Variants in KLF12 observed in about 807,000 individuals in gnomAD.
KLF12 encodes KLF transcription factor 12, also known as Krueppel-like factor 12.
A neutral mutation model predicts 37.8 loss-of-function variants in KLF12; 9 were observed. The ratio of observed to expected loss-of-function variants is 0.24; its 90% CI spans 0.14 to 0.42. The LOEUF is 0.42. Among genes scored for constraint, KLF12 ranks in the 10% least tolerant of loss-of-function variants. KLF12 has a pLI of 1.00. For synonymous variants in KLF12, 208 were observed against 202.1 expected (o/e 1.03, Z -0.25); for missense variants, 411 against 516.0 (o/e 0.80, Z 1.97).
chr13:74,269,578 A>G, the KLF12 span, among the ~76,000 whole-genome samples: 1 of 152,210 alleles, frequency 6.6e-6, no homozygotes, highest in Non-Finnish European at 1.5e-5. Context: ...ATTATACACG[A>G]TGATATCATT....
chr13:73,887,554 A>T (rs1887290366), intron 3 of KLF12, among the ~76,000 whole-genome samples: 1 of 152,222 alleles, frequency 6.6e-6, no homozygotes, highest in South Asian at 2.1e-4. Context: ...GGCCCTCACC[A>T]GAAGCTGAGC....
chr13:73,799,425 A>AAT (rs556118967), intron 5 of KLF12, among the ~76,000 whole-genome samples: 3 of 151,942 alleles, frequency 2.0e-5, no homozygotes, highest in South Asian at 2.1e-4. Flanking sequence ...GAAATGAAAA[A>AAT]ATATATATAT....
intron 1 of KLF12, among the ~76,000 whole-genome samples, chr13:74,091,900 A>G (rs1441418949): frequency 6.6e-6 from 1 of 152,100 alleles, no homozygotes; most frequent in Admixed American, 6.5e-5. Flanking sequence ...GAAGGAGGTT[A>G]TGCATGTGTG....
At chr13:73,810,982 C>CTTTCTTTTTTTCTTTTT (rs1555308731) in intron 5 of KLF12, among the ~76,000 whole-genome samples, 1 of 44,818 alleles carries the variant, frequency 2.2e-5, no homozygotes, top group African/African-American at 8.4e-5. Context: ...ATTTTTCTTT[C>CTTTCTTTTTTTCTTTTT]TTTTTTTTTT....
rs537071671 is a variant in KLF12 at position 74,132,886 on chromosome 13, C to G, written c.-32+853G>C. ...CTACCCAACAAAAGCAGGACTGATT[C>G]TCCCCGTAGGGGAGCATCTAACGTG... On this transcript the variant is annotated intron_variant, in intron 1 of 7. Transcript: ENST00000377669. Among the ~76,000 whole-genome samples, 4 of 152,334 alleles carry G rather than the reference C, an allele frequency of 2.6e-5. No individual in the cohort carries two copies. In the East Asian group the frequency reaches 7.7e-4, roughly 29 times the overall value.
At chr13:74,018,109 A>G (rs1892747545) in intron 1 of KLF12, among the ~76,000 whole-genome samples, 1 of 152,064 alleles carries the variant, frequency 6.6e-6, no homozygotes, top group Non-Finnish European at 1.5e-5. Flanking sequence ...ACTTAAAAAA[A>G]TATACACACG....
the KLF12 span, among the ~76,000 whole-genome samples, chr13:74,160,221 C>T: frequency 1.3e-5 from 2 of 152,036 alleles, no homozygotes; most frequent in Admixed American, 1.3e-4. Context: ...CTTTAGTGTA[C>T]GACTGTGGTG....
chr13:73,895,165 T>C (rs990050716), intron 3 of KLF12, among the ~76,000 whole-genome samples: 2 of 152,228 alleles, frequency 1.3e-5, no homozygotes, highest in South Asian at 4.1e-4. Flanking sequence ...AATAAGTTGC[T>C]TTTTTGCTGC....
At chr13:74,291,950 A>G in the KLF12 span, among the ~76,000 whole-genome samples, 2 of 152,206 alleles carry the variant, frequency 1.3e-5, no homozygotes, top group Non-Finnish European at 2.9e-5. Context: ...TAGATGTTGT[A>G]AAATTTGATT....
chr13:73,742,782 G>A (rs933116411), intron 6 of KLF12, among the ~76,000 whole-genome samples: 10 of 152,116 alleles, frequency 6.6e-5, no homozygotes, highest in East Asian at 1.9e-4. Flanking sequence ...TACATCAACC[G>A]CACAGTGCTG....
chr13:74,221,987 C>T, the KLF12 span, among the ~76,000 whole-genome samples: 1 of 152,166 alleles, frequency 6.6e-6, no homozygotes, highest in Non-Finnish European at 1.5e-5. Flanking sequence ...GGCTGGTTTC[C>T]TTCCCTTTAC....
At position 74,000,450 on chromosome 13, in the gene KLF12, C is replaced by T. The variant is rs146139648; in HGVS notation, c.-31-5397G>A. ...ATAATAACCCATATTCAATAAAGATCCCCTTGGAATTCTGTTCGTTGCATA... is the reference window on the plus strand; with the variant it reads ...ATAATAACCCATATTCAATAAAGATTCCCTTGGAATTCTGTTCGTTGCATA... On this transcript the variant is annotated intron_variant, in intron 1 of 7. Coordinates refer to ENST00000377669, the MANE Select transcript of KLF12 (RefSeq NM_007249.5). Among the ~76,000 whole-genome samples the T allele has an allele frequency of 1.5e-3, 221 of 152,238 alleles. 2 individuals carry two copies. The highest frequency in any genetic ancestry group is 5.1e-3 in the African/African-American group (210 of 41,542).
At chr13:74,181,074 C>A in the KLF12 span, among the ~76,000 whole-genome samples, 1 of 152,046 alleles carries the variant, frequency 6.6e-6, no homozygotes, top group African/African-American at 2.4e-5. Context: ...TCTTGGCTCA[C>A]TGCAACCTCC....
At chr13:73,877,409 T>C (rs998128788) in intron 3 of KLF12, among the ~76,000 whole-genome samples, 5 of 152,232 alleles carry the variant, frequency 3.3e-5, no homozygotes, top group African/African-American at 9.6e-5. Context: ...GTTGGAATCT[T>C]TTAGCTGAAT....
chr13:73,927,787 A>C (rs1156369198), intron 3 of KLF12, among the ~76,000 whole-genome samples: 5 of 142,172 alleles, frequency 3.5e-5, no homozygotes, highest in South Asian at 2.2e-4. Context: ...ACAGGGTTTC[A>C]CCGTTTTAGC....
At chr13:73,888,406 G>GAC (rs1887339198) in intron 3 of KLF12, among the ~76,000 whole-genome samples, 1 of 152,202 alleles carries the variant, frequency 6.6e-6, no homozygotes, top group African/African-American at 2.4e-5. Context: ...CATTAAGACT[G>GAC]TGTTTTGATT....
At chr13:74,300,117 C>G in the KLF12 span, among the ~76,000 whole-genome samples, 1 of 151,836 alleles carries the variant, frequency 6.6e-6, no homozygotes. Flanking sequence ...TAAAAAAATT[C>G]AGATAATTGA....
intron 5 of KLF12, among the ~76,000 whole-genome samples, chr13:73,806,250 C>A (rs1010412940): frequency 1.3e-5 from 2 of 151,866 alleles, no homozygotes; most frequent in African/African-American, 4.8e-5. Flanking sequence ...ATTACAGGCA[C>A]CTGCCACCAC....
At chr13:73,764,837 C>A (rs970372855) in intron 6 of KLF12, 101 bp downstream of exon 6, 3 of 694,740 alleles carry the variant, frequency 4.3e-6, no homozygotes, top group Non-Finnish European at 7.6e-6. Context: ...CAGGTATGTA[C>A]TCTGTATAGA....
Sources: gnomAD v4.1 joint callset for allele counts (sites outside exome capture counted in the v4.1 genomes callset) on GRCh38, gnomAD v4.1.1 for gene constraint, MANE v1.5 for transcripts, NCBI Gene and HGNC (gene_info 2026-07-23, HGNC 2026-07-21) for gene names.